Variants in TP73 observed in about 807,000 individuals in gnomAD.
The protein encoded by TP73 is p53-like transcription factor.
A neutral mutation model predicts 62.5 loss-of-function variants in TP73; 25 were observed. The observed-to-expected ratio is 0.40, with a 90% CI of 0.29 to 0.56. The LOEUF (loss-of-function observed/expected upper bound fraction) is 0.56, where lower values mean the gene tolerates loss of function less well. TP73 is among the 20% of genes least tolerant of loss of function. The pLI is 0.46. For synonymous variants in TP73, 423 were observed against 377.5 expected, an observed-to-expected ratio of 1.12 and a Z score of -1.40; for missense variants, 754 against 913.3, an observed-to-expected ratio of 0.83 and a Z score of 2.25.
At chr1:3,682,109 G>A (rs540047776) in intron 1 of TP73, among the ~76,000 whole-genome samples, 48 of 152,236 alleles carry the variant, frequency 3.2e-4, no homozygotes, top group Non-Finnish European at 6.3e-4. Context: ...ATCCAGGCCC[G>A]CCACCTCCAA....
chr1:3,716,182 G>A (rs1640580144), intron 4 of TP73, among the ~76,000 whole-genome samples: 1 of 152,212 alleles, frequency 6.6e-6, no homozygotes. Flanking sequence ...CATCTGCAGA[G>A]GATGTTTCTG....
intron 4 of TP73, among the ~76,000 whole-genome samples, chr1:3,714,753 C>T (rs920499903): frequency 5.9e-5 from 9 of 152,232 alleles, no homozygotes; most frequent in African/African-American, 9.6e-5. Flanking sequence ...GTCTTCAGAG[C>T]GGAGGGGCAG....
chr1:3,690,854 C>A, intron 3 of TP73: 1 of 1,554,186 alleles, frequency 6.4e-7, no homozygotes, highest in Non-Finnish European at 8.7e-7. Context: ...ATCCATGCCT[C>A]GTCCCACGGG....
intron 1 of TP73, among the ~76,000 whole-genome samples, chr1:3,664,036 G>A (rs1340248183): frequency 1.3e-5 from 2 of 152,174 alleles, no homozygotes; most frequent in Non-Finnish European, 1.5e-5. Flanking sequence ...TCCCCACTGT[G>A]AGCTCGATCT....
At chr1:3,658,026 A>G (rs1211674794) in intron 1 of TP73, among the ~76,000 whole-genome samples, 1 of 152,166 alleles carries the variant, frequency 6.6e-6, no homozygotes, top group Non-Finnish European at 1.5e-5. Flanking sequence ...GGGTCTGGAG[A>G]GGCACCTCTC....
Position 3,672,245 on chromosome 1 carries a change from G to T in TP73, c.-33-10088G>T, listed in dbSNP as rs1456799692. On this transcript the variant is annotated intron_variant, in intron 1 of 13. Transcript: ENST00000378295. The surrounding 1 kb of genome is among the most constrained non-coding windows in gnomAD (Gnocchi z 5.3). ...CCAGGTGGGGACAGCAGCTTGAGAAGGGTCATTCTCTCTTGGTTGGAGGAG... is the reference window on the plus strand; with the variant it reads ...CCAGGTGGGGACAGCAGCTTGAGAATGGTCATTCTCTCTTGGTTGGAGGAG... Among the ~76,000 whole-genome samples the T allele has an allele frequency of 1.3e-5, 2 of 152,160 alleles. No individual in the cohort carries two copies. Among genetic ancestry groups the T allele is most frequent in the Non-Finnish European group, 2.9e-5 (2 of 68,014 alleles).
At chr1:3,677,226 C>T (rs1277172627) in intron 1 of TP73, among the ~76,000 whole-genome samples, 1 of 152,108 alleles carries the variant, frequency 6.6e-6, no homozygotes, top group African/African-American at 2.4e-5. Flanking sequence ...TGGGGGCTCT[C>T]CCTGTGGTGC....
chr1:3,723,721 G>GGACAGAGA (rs1641288205), intron 6 of TP73, among the ~76,000 whole-genome samples: 3 of 152,252 alleles, frequency 2.0e-5, no homozygotes, highest in Admixed American at 2.0e-4. Flanking sequence ...GCCTCAGTGT[G>GGACAGAGA]CCCAGCTCCA....
chr1:3,730,348 G>A (rs1235615810), intron 11 of TP73, among the ~76,000 whole-genome samples, 200 bp downstream of exon 11: 3 of 152,238 alleles, frequency 2.0e-5, no homozygotes, highest in Admixed American at 6.5e-5. Context: ...GAGGTGGAGG[G>A]GGGCGTGGTT....
chr1:3,730,003 T>C lies in TP73; in HGVS notation c.1200T>C (p.Ser400=), dbSNP rs1642003096. 1 of 1,587,122 alleles carries C rather than the reference T, an allele frequency of 6.3e-7. No homozygotes were observed. The highest frequency in any genetic ancestry group is 1.1e-5 in the South Asian group (1 of 89,458). ...RQQQQLLQRP[S]HLQPPSYGPV... ...GCGAGCCGTTGCTTCTGAGCAGGAG[T>C]CACCTACAGCCCCCGTCCTACGGGC... is the stretch of plus-strand genomic sequence containing the variant. The change falls in exon 11 of 14, where the codon AGT becomes AGC. Residue 400 remains serine, a synonymous_variant. Transcript: ENST00000378295.
chr1:3,688,954 C>T (rs1645736552), intron 3 of TP73, among the ~76,000 whole-genome samples: 1 of 152,302 alleles, frequency 6.6e-6, no homozygotes, highest in Admixed American at 6.5e-5. Flanking sequence ...GCCTGAGTCT[C>T]CTTTTCAATG....
At position 3,731,528 on chromosome 1, in the gene TP73, T is replaced by C. The variant is rs755988598; in HGVS notation, c.1550T>C (p.Ile517Thr). The C allele has an allele frequency of 2.5e-6, 4 of 1,613,828 alleles. No individual in the cohort carries two copies. The highest frequency in any genetic ancestry group is 3.4e-6 in the Non-Finnish European group (4 of 1,180,006). Residue 517 changes from isoleucine to threonine, a missense_variant, in exon 13 of 14, where the codon ATT (isoleucine) becomes ACT (threonine). Coordinates refer to ENST00000378295, the MANE Select transcript of TP73 (RefSeq NM_005427.4). ...EYFTSQGLQS[I>T]YHLQNLTIED... ...TTCACCTCCCAAGGGTTACAGAGCATTTACCACCTGCAGAACCTGACCATT... is the reference window on the plus strand; with the variant it reads ...TTCACCTCCCAAGGGTTACAGAGCACTTACCACCTGCAGAACCTGACCATT...
chr1:3,723,679 C>G (rs1641284077), intron 6 of TP73, among the ~76,000 whole-genome samples: 2 of 152,246 alleles, frequency 1.3e-5, no homozygotes, highest in African/African-American at 2.4e-5. Context: ...CACTGCTGCT[C>G]TGTCCCCACA....
chr1:3,726,798 A>G (rs1641668522), intron 6 of TP73, among the ~76,000 whole-genome samples: 1 of 135,740 alleles, frequency 7.4e-6, no homozygotes, highest in Admixed American at 7.4e-5. Context: ...GGATGGGTAG[A>G]TAATAAATGG....
intron 1 of TP73, among the ~76,000 whole-genome samples, chr1:3,674,385 G>T (rs948032152): frequency 1.3e-5 from 2 of 152,248 alleles, no homozygotes; most frequent in Non-Finnish European, 1.5e-5. Context: ...GTGGGAGGCT[G>T]TGTTTGTCTT....
intron 1 of TP73, among the ~76,000 whole-genome samples, chr1:3,669,149 G>A (rs970245347): frequency 4.0e-4 from 61 of 152,380 alleles, no homozygotes; most frequent in Non-Finnish European, 4.3e-4. Flanking sequence ...CGACCCTCCG[G>A]GGCCCAGGCT....
intron 3 of TP73, among the ~76,000 whole-genome samples, chr1:3,687,996 CAGG>C (rs1645707485): frequency 6.6e-6 from 1 of 152,160 alleles, no homozygotes; most frequent in Non-Finnish European, 1.5e-5. Flanking sequence ...TCCCCAGGCC[CAGG>C]AGAAGGAAGG....
intron 1 of TP73, among the ~76,000 whole-genome samples, chr1:3,676,352 A>G (rs1313480739): frequency 6.3e-5 from 7 of 111,952 alleles, no homozygotes; most frequent in Non-Finnish European, 1.2e-4. Context: ...GGGAGGGGAT[A>G]GAAGATGGGG....
rs557065574 is a variant in TP73, at chr1:3,680,125, G to A, written c.-33-2208G>A. On this transcript the variant is annotated intron_variant, in intron 1 of 13. Transcript: ENST00000378295. ...TCTGTCTCTGTCTCTCTCTGTCTTT[G>A]TCCCACCTTAGCCTTGGGAGGGGAC... 2.0e-5 allele frequency among the ~76,000 whole-genome samples: 3 copies of A among 152,136 alleles called. No individual in the cohort carries two copies. In the East Asian group the frequency reaches 5.8e-4, roughly 29 times the overall value.
Sources: allele counts gnomAD v4.1 joint callset (sites outside exome capture counted in the v4.1 genomes callset), GRCh38; gene constraint gnomAD v4.1.1; non-coding constraint Gnocchi (gnomAD v3.1); transcripts MANE v1.5; gene names NCBI Gene and HGNC (gene_info 2026-07-23, HGNC 2026-07-21).